CNR2: variants seen among roughly 807,000 people sequenced by gnomAD.
CNR2 encodes cannabinoid receptor 2 (macrophage).
For synonymous variants in CNR2, 172 were observed against 182.2 expected, an observed-to-expected ratio of 0.94 and a Z score of 0.45; for missense variants, 379 against 439.9, an observed-to-expected ratio of 0.86 and a Z score of 1.24.
At chr1:23,882,450 T>G (rs1404911859) in intron 1 of CNR2, among the ~76,000 whole-genome samples, 2 of 152,098 alleles carry the variant, frequency 1.3e-5, no homozygotes, top group African/African-American at 2.4e-5. Flanking sequence ...ACTACGAAAT[T>G]GTGAGACATT....
intron 1 of CNR2, among the ~76,000 whole-genome samples, chr1:23,903,199 A>T (rs1181554103): frequency 6.6e-6 from 1 of 152,118 alleles, no homozygotes. Flanking sequence ...GGCCGCAGCA[A>T]TAACTGCTTT....
intron 1 of CNR2, among the ~76,000 whole-genome samples, chr1:23,903,577 C>CAA (rs112143003): frequency 0.14 from 18,515 of 130,756 alleles, 1,554 homozygotes; most frequent in East Asian, 0.42. Flanking sequence ...CAGGCTTTGT[C>CAA]AAAAAAAAAA....
At chr1:23,898,484 GGC>G (rs1400482502) in intron 1 of CNR2, among the ~76,000 whole-genome samples, 1 of 149,332 alleles carries the variant, frequency 6.7e-6, no homozygotes. Context: ...TGGGACTACA[GGC>G]GCCCACCACC....
At position 23,901,949 on chromosome 1, in the gene CNR2, A is replaced by G. The variant is rs1211445936; in HGVS notation, c.-46+11297T>C. On this transcript the variant is annotated intron_variant, in intron 1 of 1. Transcript: ENST00000374472. Reference sequence around the variant, plus strand: ...CGGGGTGAGGCCCTTCCTCTTGATCAGGGGGAAGTCCAGGCGGGGCTTGTT... The same window carrying G: ...CGGGGTGAGGCCCTTCCTCTTGATCGGGGGGAAGTCCAGGCGGGGCTTGTT... 3.1e-6 allele frequency: 5 copies of G among 1,603,612 alleles called. No homozygotes were observed. In the Admixed American group the frequency reaches 8.4e-5, roughly 27 times the overall value.
At chr1:23,889,631 C>T (rs1471308395) in intron 1 of CNR2, among the ~76,000 whole-genome samples, 1 of 152,116 alleles carries the variant, frequency 6.6e-6, no homozygotes, top group East Asian at 1.9e-4. Context: ...ACCATCCGGG[C>T]CTTTCTTTTC....
rs115934370 is a variant in CNR2, at chr1:23,872,788, A to T, written c.*1747T>A. 6.6e-6 allele frequency: 1 copy of T among 152,246 alleles called. No individual in the cohort carries two copies. Among genetic ancestry groups the T allele is most frequent in the African/African-American group, 2.4e-5 (1 of 41,452 alleles). 9.4% of individuals were successfully genotyped at this position (152,246 alleles called of 1,614,324 possible). Reference sequence around the variant, plus strand: ...AGGCTCAATAAAAGTGAGCCGGCACATGGTAGGTCTATCCTACCGTTTATT... The same window carrying T: ...AGGCTCAATAAAAGTGAGCCGGCACTTGGTAGGTCTATCCTACCGTTTATT... On this transcript the variant is annotated 3_prime_UTR_variant, in exon 2 of 2. Coordinates refer to ENST00000374472, the MANE Select transcript of CNR2 (RefSeq NM_001841.3).
At chr1:23,902,645 C>A in intron 1 of CNR2, 1 of 1,597,296 alleles carries the variant, frequency 6.3e-7, no homozygotes. Flanking sequence ...GGGCGGGCAC[C>A]GTCCTGGTCG....
chr1:23,903,400 C>A (rs1037785313), intron 1 of CNR2, among the ~76,000 whole-genome samples: 12 of 151,680 alleles, frequency 7.9e-5, no homozygotes. Flanking sequence ...CATAGGAAGA[C>A]CCCGCCTCTA....
intron 1 of CNR2, among the ~76,000 whole-genome samples, chr1:23,892,596 G>T (rs1640208272): frequency 6.6e-6 from 1 of 152,216 alleles, no homozygotes; most frequent in South Asian, 2.1e-4. Flanking sequence ...CAGTGTGGAA[G>T]TGCAGTCACA....
chr1:23,892,643 T>C (rs1413989505), intron 1 of CNR2, among the ~76,000 whole-genome samples: 1 of 152,206 alleles, frequency 6.6e-6, no homozygotes, highest in African/African-American at 2.4e-5. Context: ...TATTTATTGC[T>C]CCTTTTAGTG....
At chr1:23,888,153 A>C (rs899036373) in intron 1 of CNR2, among the ~76,000 whole-genome samples, 1 of 152,192 alleles carries the variant, frequency 6.6e-6, no homozygotes, top group Non-Finnish European at 1.5e-5. Flanking sequence ...TTCAGGACAC[A>C]TGTCCACTGA....
chr1:23,892,101 C>A (rs957150413), intron 1 of CNR2, among the ~76,000 whole-genome samples: 1 of 152,138 alleles, frequency 6.6e-6, no homozygotes, highest in African/African-American at 2.4e-5. Context: ...GTTCCTGGCC[C>A]GGAGAACCAG....
chr1:23,908,508 A>C (rs1640535509), intron 1 of CNR2, among the ~76,000 whole-genome samples: 1 of 152,186 alleles, frequency 6.6e-6, no homozygotes, highest in African/African-American at 2.4e-5. Flanking sequence ...TTTTTAAAAA[A>C]ATGGAAACAG....
chr1:23,901,770 C>T lies in CNR2; in HGVS notation c.-46+11476G>A, dbSNP rs766303697. 31 of 1,481,014 alleles carry T rather than the reference C, an allele frequency of 2.1e-5. No homozygotes were observed. The Admixed American group carries it at 2.3e-4, about 11-fold the overall frequency. 91.7% of individuals were successfully genotyped at this position (1,481,014 alleles called of 1,614,324 possible). ...CCAAGCCTCTTGAGCTCAATCTTCA[C>T]GCTGTACTCAGCCTTCCCAGAGCTG... On this transcript the variant is annotated intron_variant, in intron 1 of 1. Coordinates refer to ENST00000374472, the MANE Select transcript of CNR2 (RefSeq NM_001841.3).
At chr1:23,895,565 G>A (rs1640266998) in intron 1 of CNR2, among the ~76,000 whole-genome samples, 1 of 152,032 alleles carries the variant, frequency 6.6e-6, no homozygotes, top group African/African-American at 2.4e-5. Flanking sequence ...GGAGTGCAGT[G>A]GCGTGATCTC....
chr1:23,905,914 G>A (rs1257718958), intron 1 of CNR2, among the ~76,000 whole-genome samples: 2 of 152,130 alleles, frequency 1.3e-5, no homozygotes, highest in East Asian at 1.9e-4. Flanking sequence ...GCGGGATCAC[G>A]GGACACTCTA....
At chr1:23,883,446 T>A (rs1027243049) in intron 1 of CNR2, among the ~76,000 whole-genome samples, 2 of 152,210 alleles carry the variant, frequency 1.3e-5, no homozygotes, top group African/African-American at 4.8e-5. Flanking sequence ...GTCCATCAAC[T>A]GGAAAATGGA....
intron 1 of CNR2, among the ~76,000 whole-genome samples, chr1:23,897,493 G>A: frequency 1.1e-5 from 1 of 87,536 alleles, no homozygotes; most frequent in South Asian, 3.8e-4. Flanking sequence ...TTTTTTTTTT[G>A]AGACCGAGTC....
chr1:23,906,741 A>G (rs1356577672), intron 1 of CNR2, among the ~76,000 whole-genome samples: 1 of 151,926 alleles, frequency 6.6e-6, no homozygotes, highest in Non-Finnish European at 1.5e-5. Context: ...AATAGGTTTC[A>G]TTTAGCTGGG....
Sources: gnomAD v4.1 joint callset for allele counts (sites outside exome capture counted in the v4.1 genomes callset) on GRCh38, gnomAD v4.1.1 for gene constraint, MANE v1.5 for transcripts, NCBI Gene and HGNC (gene_info 2026-07-23, HGNC 2026-07-21) for gene names.